LRRIQ1: variants seen among roughly 807,000 people sequenced by gnomAD.
LRRIQ1 encodes the protein leucine-rich repeat- and IQ domain-containing protein 1.
LRRIQ1 carries 210 observed loss-of-function variants against 211.9 expected under a neutral mutation model. That is an observed-to-expected ratio of 0.99 (90% confidence interval 0.89 to 1.11). The LOEUF is 1.11. Ranked by LOEUF, LRRIQ1 falls within the 50% of genes most tolerant of loss-of-function variation. The pLI, the probability that LRRIQ1 is intolerant of heterozygous loss-of-function variation, is 0.00. For missense variants in LRRIQ1, 2,136 were observed against 1,939.5 expected (o/e 1.10, Z -1.90); for synonymous variants, 699 against 650.1 (o/e 1.08, Z -1.14).
At chr12:85,178,236 T>C (rs549074784) in intron 24 of LRRIQ1, among the ~76,000 whole-genome samples, 31 of 152,054 alleles carry the variant, frequency 2.0e-4, no homozygotes, top group Admixed American at 7.9e-4. Context: ...AGTTATCTCC[T>C]GTAGTTTGTT....
chr12:85,073,495 A>C (rs1366613279), intron 11 of LRRIQ1, among the ~76,000 whole-genome samples: 3 of 152,068 alleles, frequency 2.0e-5, no homozygotes, highest in Non-Finnish European at 4.4e-5. Context: ...GCAAACTTTA[A>C]AAAGAAAAGA....
In LRRIQ1 at chr12:85,153,008, C is replaced by CT. The variant is rs922302144; in HGVS notation, c.4420-9dup. 2.6e-6 allele frequency: 4 copies of CT among 1,523,404 alleles called. No homozygotes were observed. The highest frequency in any genetic ancestry group is 2.8e-5 in the African/African-American group (2 of 71,420). 94.4% of individuals were successfully genotyped at this position (1,523,404 alleles called of 1,614,324 possible). On this transcript the variant is annotated splice_polypyrimidine_tract_variant and intron_variant, in intron 20 of 26. Transcript: ENST00000393217. ...TTTTATTTTACTTCACACTTATTTA[C>CT]TTTTTTTGTGAAAAGATTCCTGGAA...
At chr12:85,215,674 C>G (rs1449169605) in intron 24 of LRRIQ1, among the ~76,000 whole-genome samples, 1 of 152,026 alleles carries the variant, frequency 6.6e-6, no homozygotes, top group East Asian at 1.9e-4. Flanking sequence ...GCTGAAATGA[C>G]AGAAGTAGGA....
At position 85,084,162 on chromosome 12, in the gene LRRIQ1, CTAT is replaced by C. The variant is rs1470042119; in HGVS notation, c.2887+11069_2887+11071del. Among the ~76,000 whole-genome samples, 4 of 152,076 alleles carry C rather than the reference CTAT, an allele frequency of 2.6e-5. No homozygotes were observed. In the East Asian group the frequency reaches 7.7e-4, roughly 29 times the overall value. On this transcript the variant is annotated intron_variant, in intron 11 of 26. Transcript: ENST00000393217. ...TCTGCTTACATATAACATTCTATGC[CTAT>C]TATTTCAAGAAATTAGAAACAAAAA...
intron 24 of LRRIQ1, among the ~76,000 whole-genome samples, chr12:85,167,960 TA>T (rs1891233655): frequency 6.6e-6 from 1 of 152,132 alleles, no homozygotes; most frequent in Non-Finnish European, 1.5e-5. Context: ...TAACAACACT[TA>T]AATCCTGTCA....
chr12:85,130,407 A>C (rs900499798), intron 18 of LRRIQ1, among the ~76,000 whole-genome samples: 12 of 152,198 alleles, frequency 7.9e-5, no homozygotes, highest in African/African-American at 2.9e-4. Context: ...TGAACAATAC[A>C]TTTTTCAGCA....
At chr12:85,114,912 C>T (rs1253324485) in intron 15 of LRRIQ1, among the ~76,000 whole-genome samples, 2 of 152,172 alleles carry the variant, frequency 1.3e-5, no homozygotes, top group African/African-American at 4.8e-5. Flanking sequence ...ATGAACTTTA[C>T]ATAACCCCAT....
chr12:85,253,695 G>GAC (rs1241541222), intron 1 of LRRIQ1, among the ~76,000 whole-genome samples: 1 of 151,898 alleles, frequency 6.6e-6, no homozygotes, highest in Non-Finnish European at 1.5e-5. Context: ...CAATAGATTA[G>GAC]ACACACAAAC....
At chr12:85,215,259 G>T (rs1384212232) in intron 24 of LRRIQ1, among the ~76,000 whole-genome samples, 1 of 152,160 alleles carries the variant, frequency 6.6e-6, no homozygotes, top group Admixed American at 6.5e-5. Context: ...CTCCAGTAGA[G>T]TTGAAGATAT....
At chr12:85,184,926 G>A (rs558587899) in intron 24 of LRRIQ1, among the ~76,000 whole-genome samples, 335 of 151,962 alleles carry the variant, frequency 2.2e-3, no homozygotes, top group African/African-American at 7.8e-3. Context: ...ATTAAGAAAA[G>A]CCTCTGAAAT....
intron 18 of LRRIQ1, among the ~76,000 whole-genome samples, chr12:85,130,534 G>A (rs971566756): frequency 1.3e-5 from 2 of 152,070 alleles, no homozygotes; most frequent in Non-Finnish European, 2.9e-5. Flanking sequence ...CTTTGGTTGA[G>A]CTTCTTTGTA....
chr12:85,216,732 T>G (rs1193039443), intron 24 of LRRIQ1, among the ~76,000 whole-genome samples: 1 of 151,930 alleles, frequency 6.6e-6, no homozygotes, highest in African/African-American at 2.4e-5. Flanking sequence ...AGAATATGAG[T>G]AGACAAGGAC....
intron 24 of LRRIQ1, among the ~76,000 whole-genome samples, chr12:85,162,351 C>T (rs1211564039): frequency 6.6e-6 from 1 of 151,962 alleles, no homozygotes; most frequent in Non-Finnish European, 1.5e-5. Context: ...CTTAACTCTA[C>T]CATTTCAGTC....
intron 11 of LRRIQ1, among the ~76,000 whole-genome samples, chr12:85,087,173 A>G (rs973746238): frequency 1.3e-5 from 2 of 151,650 alleles, no homozygotes; most frequent in African/African-American, 4.9e-5. Context: ...ATTCCCACCT[A>G]TGAGTGAGAA....
At chr12:85,200,261 C>G (rs1378027277) in intron 24 of LRRIQ1, among the ~76,000 whole-genome samples, 1 of 152,048 alleles carries the variant, frequency 6.6e-6, no homozygotes, top group East Asian at 1.9e-4. Flanking sequence ...TGACTGGGCT[C>G]TCAGCTTGGA....
exon 2 of LRRIQ1, chr12:85,264,429 T>C (rs1201534855): frequency 6.6e-6 from 1 of 152,060 alleles, no homozygotes; most frequent in Non-Finnish European, 1.5e-5. Context: ...TAATGATTGA[T>C]ATATATGTCA....
Position 85,072,824 on chromosome 12 carries a change from A to AT in LRRIQ1, c.2696-76dup, listed in dbSNP as rs1883235255. The AT allele has an allele frequency of 4.4e-6, 4 of 915,338 alleles. No homozygotes were observed. In the South Asian group the frequency reaches 1.0e-4, roughly 23 times the overall value. The allele number at this position is 915,338 out of a possible 1,614,324, so 56.7% of individuals were successfully genotyped here. A position where few individuals can be genotyped will look rare whatever the true frequency, so the allele number is the denominator to read the frequency against. On this transcript the variant is annotated intron_variant, in intron 10 of 26. Transcript: ENST00000393217. ...GTTTTATTTTTTGCTCCAGGTTTAAATTTTTTTCTCATATAAGCTATAACC... is the reference window on the plus strand; with the variant it reads ...GTTTTATTTTTTGCTCCAGGTTTAAATTTTTTTTCTCATATAAGCTATAACC...
chr12:85,198,898 C>T (rs900366908), intron 24 of LRRIQ1, among the ~76,000 whole-genome samples: 1 of 152,198 alleles, frequency 6.6e-6, no homozygotes, highest in East Asian at 1.9e-4. Flanking sequence ...TGTTTGTTGG[C>T]CGAATGTATG....
At chr12:85,089,020 G>C (rs1310847426) in intron 11 of LRRIQ1, among the ~76,000 whole-genome samples, 1 of 152,180 alleles carries the variant, frequency 6.6e-6, no homozygotes, top group Non-Finnish European at 1.5e-5. Context: ...TCTTGTGCCA[G>C]TTTTCAAAGG....
Sources: gnomAD v4.1 joint callset for allele counts (sites outside exome capture counted in the v4.1 genomes callset) on GRCh38, gnomAD v4.1.1 for gene constraint, MANE v1.5 for transcripts, NCBI Gene and HGNC (gene_info 2026-07-23, HGNC 2026-07-21) for gene names.